PRMT7: variants seen among roughly 807,000 people sequenced by gnomAD.
PRMT7 encodes the protein protein arginine N-methyltransferase 7.
A neutral mutation model predicts 85.4 loss-of-function variants in PRMT7; 75 were observed. The observed-to-expected ratio is 0.88, with a 90% CI of 0.73 to 1.06. The LOEUF (loss-of-function observed/expected upper bound fraction) is 1.06, where lower values mean the gene tolerates loss of function less well. Among genes scored for constraint, PRMT7 ranks in the 50% least tolerant of loss-of-function variants. The probability of loss-of-function intolerance (pLI) is 0.00; values close to 1 mark genes in which losing one functional copy is unlikely to be tolerated. For missense variants in PRMT7, 868 were observed against 915.2 expected, an observed-to-expected ratio of 0.95 and a Z score of 0.67; for synonymous variants, 397 against 359.5, an observed-to-expected ratio of 1.10 and a Z score of -1.18.
intron 16 of PRMT7, chr16:68,354,692 G>C (rs997660886): frequency 2.6e-5 from 4 of 152,818 alleles, no homozygotes; most frequent in African/African-American, 9.7e-5. Flanking sequence ...CCCTGCTCAT[G>C]GCCTGCCCAC....
At chr16:68,332,466 AGCTCTAGGT>A (rs1201233138) in intron 6 of PRMT7, among the ~76,000 whole-genome samples, 2 of 152,110 alleles carry the variant, frequency 1.3e-5, no homozygotes, top group African/African-American at 4.8e-5. Context: ...GTCTGCTGAG[AGCTCTAGGT>A]GCTCAGCAGG....
intron 14 of PRMT7, 122 bp downstream of exon 14, chr16:68,348,553 A>C (rs991745271): frequency 1.2e-4 from 65 of 542,572 alleles, no homozygotes; most frequent in Non-Finnish European, 1.7e-4. Flanking sequence ...ATGCAACCTT[A>C]CCTCCTACGA....
chr16:68,328,530 A>T (rs1427563739), intron 5 of PRMT7: 1 of 153,164 alleles, frequency 6.5e-6, no homozygotes, highest in Non-Finnish European at 1.5e-5. Flanking sequence ...AAAAAAAAAA[A>T]AAATGGTATA....
chr16:68,327,304 CTG>C (rs2083246155), intron 5 of PRMT7, among the ~76,000 whole-genome samples: 1 of 152,132 alleles, frequency 6.6e-6, no homozygotes, highest in Admixed American at 6.5e-5. Flanking sequence ...ACACGTGAGT[CTG>C]TTTGTTTTAC....
Position 68,355,747 on chromosome 16 carries a change from A to G in PRMT7, c.1675A>G (p.Arg559Gly). ...IKRALDFRES[R>G]EAEPHPLWEY... Reference sequence around the variant, plus strand: ...GCGTGCCCTGGACTTCAGGGAGAGCAGGGAAGCTGAGCCCCACCCGCTGTG... The same window carrying G: ...GCGTGCCCTGGACTTCAGGGAGAGCGGGGAAGCTGAGCCCCACCCGCTGTG... The change falls in exon 17 of 19, where the codon AGG becomes GGG. Residue 559 changes from arginine (R) to glycine (G), a missense_variant. Arg to Gly is a moderately radical substitution (Grantham distance 125, BLOSUM62 -2). Transcript: ENST00000441236. The G allele has an allele frequency of 6.2e-7, 1 of 1,607,024 alleles. No homozygotes were observed. Among genetic ancestry groups the G allele is most frequent in the Non-Finnish European group, 8.5e-7 (1 of 1,176,240 alleles).
intron 9 of PRMT7, among the ~76,000 whole-genome samples, chr16:68,343,391 G>A (rs1714120194): frequency 6.6e-6 from 1 of 152,174 alleles, no homozygotes; most frequent in Non-Finnish European, 1.5e-5. Context: ...CCTGCCCCTG[G>A]TCTCTTGACT....
At chr16:68,348,154 T>C (rs538989478) in intron 13 of PRMT7, among the ~76,000 whole-genome samples, 188 bp from the exon 14 acceptor site, 162 of 152,306 alleles carry the variant, frequency 1.1e-3, no homozygotes, top group African/African-American at 3.9e-3. Flanking sequence ...ATTGTGCTCC[T>C]GATCTCATCC....
At chr16:68,330,871 A>T (rs959531931) in intron 6 of PRMT7, among the ~76,000 whole-genome samples, 1 of 152,234 alleles carries the variant, frequency 6.6e-6, no homozygotes, top group Non-Finnish European at 1.5e-5. Flanking sequence ...CTGGGATTAC[A>T]GGTGTGAGCC....
chr16:68,334,076 C>T (rs575704529), intron 6 of PRMT7, among the ~76,000 whole-genome samples: 15 of 152,228 alleles, frequency 9.9e-5, no homozygotes, highest in East Asian at 3.9e-4. Context: ...TGGCCAATTT[C>T]GTAATACTTT....
intron 9 of PRMT7, among the ~76,000 whole-genome samples, chr16:68,343,349 G>A (rs895216786): frequency 5.3e-5 from 8 of 152,178 alleles, no homozygotes; most frequent in Non-Finnish European, 7.3e-5. Flanking sequence ...GGATTGGAGC[G>A]GGGCCTTGTG....
At chr16:68,332,150 A>G (rs2083996294) in intron 6 of PRMT7, among the ~76,000 whole-genome samples, 1 of 152,202 alleles carries the variant, frequency 6.6e-6, no homozygotes, top group Admixed American at 6.5e-5. Flanking sequence ...GAGTGGGGTT[A>G]GAGTAGCTTT....
At chr16:68,341,359 G>A (rs1202057263) in intron 9 of PRMT7, among the ~76,000 whole-genome samples, 2 of 152,338 alleles carry the variant, frequency 1.3e-5, no homozygotes, top group East Asian at 1.9e-4. Context: ...CCACGTGGGG[G>A]AGAGATTTGT....
Position 68,324,779 on chromosome 16 carries a change from C to G in PRMT7, c.229C>G (p.Leu77Val), listed in dbSNP as rs774488197. 2 of 1,614,166 alleles carry G rather than the reference C, an allele frequency of 1.2e-6. No individual in the cohort carries two copies. Among genetic ancestry groups the G allele is most frequent in the Non-Finnish European group, 1.7e-6 (2 of 1,180,018 alleles). The change falls in exon 5 of 19, where the codon CTC becomes GTC. Residue 77 changes from leucine (L) to valine (V), a missense_variant. Leu to Val is a conservative substitution (Grantham distance 32, BLOSUM62 1). Coordinates refer to ENST00000441236, the MANE Select transcript of PRMT7 (RefSeq NM_019023.5). ...LVLDIGTGTG[L>V]LSMMAVTAGA... The stretch of plus-strand genomic sequence containing the variant: ...TCTCGACATTGGCACTGGCACGGGA[C>G]TCTTGTCAATGATGGCGGTCACAGC...
At chr16:68,355,100 T>C (rs2088127058) in intron 16 of PRMT7, 1 of 152,734 alleles carries the variant, frequency 6.5e-6, no homozygotes, top group Non-Finnish European at 1.5e-5. Context: ...AACTTGTAGA[T>C]CTGAGTCTGG....
intron 14 of PRMT7, among the ~76,000 whole-genome samples, chr16:68,350,382 G>A (rs556223600): frequency 5.7e-4 from 86 of 152,032 alleles, no homozygotes; most frequent in African/African-American, 1.9e-3. Context: ...CATCCCCATC[G>A]GTAACATCTG....
chr16:68,360,479 C>G (rs1042602779), downstream of PRMT7: 2 of 152,478 alleles, frequency 1.3e-5, no homozygotes, highest in African/African-American at 4.8e-5. Flanking sequence ...GGGAAGGGAC[C>G]CTGTCTCGGG....
rs765288729 is a variant in PRMT7 at position 68,346,285 on chromosome 16, G to A, written c.1191+5G>A. On this transcript the variant is annotated splice_donor_5th_base_variant and intron_variant, in intron 11 of 18. Coordinates refer to ENST00000441236, the MANE Select transcript of PRMT7 (RefSeq NM_019023.5). ...TACGTCCAGGCTCTGAGGACCGTAA[G>A]TGTCCAGCCCCTTGGCTTGTTGTGG... is the stretch of plus-strand genomic sequence containing the variant. The A allele has an allele frequency of 1.1e-5, 17 of 1,614,060 alleles. No homozygotes were observed. The highest frequency in any genetic ancestry group is 1.7e-5 in the Admixed American group (1 of 60,010).
At chr16:68,324,092 A>G (rs1157015157) in intron 4 of PRMT7, 1 of 152,492 alleles carries the variant, frequency 6.6e-6, no homozygotes, top group African/African-American at 2.4e-5. Flanking sequence ...GCAAATGGGA[A>G]CGCTGAGTAA....
intron 4 of PRMT7, chr16:68,323,897 G>A (rs956929265): frequency 3.3e-5 from 5 of 152,206 alleles, no homozygotes; most frequent in African/African-American, 7.2e-5. Flanking sequence ...GATGAAAGAT[G>A]TATGTGTTTA....
Sources: allele counts gnomAD v4.1 joint callset (sites outside exome capture counted in the v4.1 genomes callset), GRCh38; gene constraint gnomAD v4.1.1; transcripts MANE v1.5; gene names NCBI Gene and HGNC (gene_info 2026-07-23, HGNC 2026-07-21).